ZFHX3: variants seen among roughly 807,000 people sequenced by gnomAD.
ZFHX3 encodes the protein zinc finger homeobox protein 3.
In ZFHX3, 42 loss-of-function variants were observed where a neutral mutation model predicts 279.1. The ratio of observed to expected loss-of-function variants is 0.15; its 90% CI spans 0.12 to 0.19. The LOEUF is 0.19. Ranked by LOEUF, ZFHX3 falls within the 10% of genes least tolerant of loss-of-function variation. ZFHX3 has a pLI of 1.00. For missense variants in ZFHX3, 4,981 were observed against 4,754.0 expected (o/e 1.05, Z -1.40); for synonymous variants, 2,293 against 1,957.8 (o/e 1.17, Z -4.52).
intron 2 of ZFHX3, among the ~76,000 whole-genome samples, chr16:73,633,324 C>G: frequency 6.6e-6 from 1 of 152,188 alleles, no homozygotes; most frequent in East Asian, 1.9e-4. Context: ...GAAGTATGTT[C>G]AAACCCACAA....
intron 2 of ZFHX3, among the ~76,000 whole-genome samples, chr16:73,544,596 G>A (rs1365825250): frequency 6.6e-6 from 1 of 152,136 alleles, no homozygotes; most frequent in Non-Finnish European, 1.5e-5. Context: ...CTTGGGGAAC[G>A]GGGACCTATC....
chr16:72,804,187 CT>C (rs1448828637), intron 7 of ZFHX3, among the ~76,000 whole-genome samples: 1 of 152,192 alleles, frequency 6.6e-6, no homozygotes, highest in East Asian at 1.9e-4. Flanking sequence ...AATGTTCAAG[CT>C]TAAGCACTTC....
chr16:73,807,720 A>G (rs1960318105), intron 1 of ZFHX3, among the ~76,000 whole-genome samples: 1 of 143,964 alleles, frequency 6.9e-6, no homozygotes, highest in Non-Finnish European at 1.5e-5. Context: ...ATCCACCCAC[A>G]TCAGCCTCCC....
At chr16:73,227,291 G>T (rs188836159) in intron 5 of ZFHX3, among the ~76,000 whole-genome samples, 1 of 152,246 alleles carries the variant, frequency 6.6e-6, no homozygotes, top group Non-Finnish European at 1.5e-5. Flanking sequence ...GGTTAGCAAA[G>T]AATCAAATCC....
At chr16:73,387,207 G>T (rs928986999) in intron 3 of ZFHX3, 1 of 152,200 alleles carries the variant, frequency 6.6e-6, no homozygotes, top group Admixed American at 6.5e-5. Flanking sequence ...AGCTTCTGAA[G>T]TTCAGGTTCG....
chr16:73,803,151 G>T (rs1245259167), intron 1 of ZFHX3, among the ~76,000 whole-genome samples: 1 of 152,114 alleles, frequency 6.6e-6, no homozygotes, highest in Non-Finnish European at 1.5e-5. Flanking sequence ...TAAGAAAGAA[G>T]ACAACTCAAA....
chr16:73,345,938 G>A (rs2016116156), intron 3 of ZFHX3, among the ~76,000 whole-genome samples: 1 of 152,126 alleles, frequency 6.6e-6, no homozygotes, highest in African/African-American at 2.4e-5. Flanking sequence ...TGTTGGTTCT[G>A]GGTTGTGAAA....
chr16:73,836,934 C>T (rs1597137388), intron 1 of ZFHX3, among the ~76,000 whole-genome samples: 1 of 152,236 alleles, frequency 6.6e-6, no homozygotes, highest in Admixed American at 6.5e-5. Flanking sequence ...GCCTGCCTCC[C>T]CTTCTACTTC....
At chr16:73,411,580 A>ATCT in intron 3 of ZFHX3, among the ~76,000 whole-genome samples, 1 of 152,336 alleles carries the variant, frequency 6.6e-6, no homozygotes, top group Middle Eastern at 3.4e-3. Flanking sequence ...CCATAAGTGT[A>ATCT]TCTGTATGCC....
chr16:73,623,222 G>C (rs2143908044), intron 2 of ZFHX3, among the ~76,000 whole-genome samples: 1 of 152,182 alleles, frequency 6.6e-6, no homozygotes, highest in South Asian at 2.1e-4. Context: ...ATTTTTAGTA[G>C]AGACGGAGTT....
At chr16:73,295,413 G>A (rs967498762) in intron 4 of ZFHX3, among the ~76,000 whole-genome samples, 2 of 152,156 alleles carry the variant, frequency 1.3e-5, no homozygotes, top group Non-Finnish European at 2.9e-5. Context: ...AAAGAGTATC[G>A]AATGTAAGGT....
At chr16:73,738,584 C>G (rs1379290057) in intron 1 of ZFHX3, among the ~76,000 whole-genome samples, 1 of 152,210 alleles carries the variant, frequency 6.6e-6, no homozygotes, top group African/African-American at 2.4e-5. Context: ...TGGGTCTGCC[C>G]TTTCTTTCTC....
At chr16:73,798,191 C>A (rs981818261) in intron 1 of ZFHX3, among the ~76,000 whole-genome samples, 1 of 152,066 alleles carries the variant, frequency 6.6e-6, no homozygotes. Flanking sequence ...GCATTCAAGA[C>A]TGGGCTTTGG....
chr16:73,096,880 A>G (rs991379630), intron 7 of ZFHX3, among the ~76,000 whole-genome samples: 3 of 152,158 alleles, frequency 2.0e-5, no homozygotes, highest in African/African-American at 7.2e-5. Context: ...GAACTCAGTC[A>G]AGAAGACTGG....
At chr16:73,732,162 T>C (rs1056420065) in intron 1 of ZFHX3, among the ~76,000 whole-genome samples, 1 of 152,212 alleles carries the variant, frequency 6.6e-6, no homozygotes, top group Non-Finnish European at 1.5e-5. Context: ...AACCTCAAGT[T>C]TGATATCAAA....
At chr16:72,880,466 G>C (rs1400458688) in intron 4 of ZFHX3, among the ~76,000 whole-genome samples, 1 of 152,126 alleles carries the variant, frequency 6.6e-6, no homozygotes, top group Admixed American at 6.5e-5. Context: ...GACTCACAGA[G>C]ACCAGGCTAT....
intron 3 of ZFHX3, among the ~76,000 whole-genome samples, chr16:73,372,136 TC>T (rs1233127942): frequency 2.4e-4 from 36 of 152,328 alleles, no homozygotes; most frequent in African/African-American, 6.0e-4. Context: ...CTGCAGGTGA[TC>T]CGGAGTTGAG....
rs928338879 is a variant in ZFHX3 at position 73,132,909 on chromosome 16, G to T, written c.-1023-1815C>A. Among the ~76,000 whole-genome samples the T allele has an allele frequency of 7.9e-5, 12 of 152,306 alleles. 1 individual carries two copies. Among genetic ancestry groups the T allele is most frequent in the Admixed American group, 2.6e-4 (4 of 15,294 alleles). On this transcript the variant is annotated intron_variant, in intron 6 of 17. Transcript: ENST00000641206. Reference sequence around the variant, plus strand: ...CTTCGTCAGCAAGTGTTCTTCTCCTGGTCGGTTTGGCCGATCGTGATGGAG... The same window carrying T: ...CTTCGTCAGCAAGTGTTCTTCTCCTTGTCGGTTTGGCCGATCGTGATGGAG...
intron 1 of ZFHX3, among the ~76,000 whole-genome samples, chr16:73,732,512 C>T (rs780220601): frequency 3.3e-5 from 5 of 152,184 alleles, no homozygotes; most frequent in Admixed American, 1.3e-4. Context: ...TAGGATTTGT[C>T]CTGGATTTCT....
Sources: allele counts gnomAD v4.1 joint callset (sites outside exome capture counted in the v4.1 genomes callset), GRCh38; gene constraint gnomAD v4.1.1; transcripts MANE v1.5; gene names NCBI Gene and HGNC (gene_info 2026-07-23, HGNC 2026-07-21).